The following LYRM4 variants were observed in gnomAD, a reference collection of about 807,000 sequenced individuals.
LYRM4 encodes the protein LYR motif containing 4.
Under a neutral mutation model 11.7 loss-of-function variants are expected in LYRM4, and 9 were observed. The ratio of observed to expected loss-of-function variants is 0.77; its 90% confidence interval spans 0.46 to 1.34. LYRM4 has a LOEUF of 1.34. LYRM4 is among the 40% of genes most tolerant of loss of function. LYRM4 has a pLI of 0.00. For synonymous variants in LYRM4, 42 were observed against 40.4 expected (o/e 1.04, Z -0.15); for missense variants, 133 against 112.5 (o/e 1.18, Z -0.82).
the LYRM4 span, chr6:5,085,547 C>A: frequency 6.5e-7 from 1 of 1,540,404 alleles, no homozygotes; most frequent in Non-Finnish European, 8.7e-7. Context: ...TTCCGAGAGG[C>A]CCCGCCGGCC....
chr6:5,238,724 A>G (rs1763692710), intron 1 of LYRM4, among the ~76,000 whole-genome samples: 1 of 152,250 alleles, frequency 6.6e-6, no homozygotes, highest in Non-Finnish European at 1.5e-5. Context: ...CATGATAGGA[A>G]ACAAATGCAA....
At chr6:5,055,072 T>A in the LYRM4 span, among the ~76,000 whole-genome samples, 3 of 152,182 alleles carry the variant, frequency 2.0e-5, no homozygotes, top group Non-Finnish European at 4.4e-5. The surrounding 1 kb of genome is among the most constrained non-coding windows in gnomAD (Gnocchi z 4.5). Flanking sequence ...TTCATCTACA[T>A]GACAAGAACC....
At chr6:5,124,265 C>T (rs1425074996) in intron 2 of LYRM4, among the ~76,000 whole-genome samples, 2 of 152,200 alleles carry the variant, frequency 1.3e-5, no homozygotes, top group Non-Finnish European at 2.9e-5. Flanking sequence ...TTGGCCTCCA[C>T]ACCAGAACAT....
intron 2 of LYRM4, among the ~76,000 whole-genome samples, chr6:5,158,425 T>C (rs538705761): frequency 4.6e-5 from 7 of 151,530 alleles, no homozygotes; most frequent in East Asian, 3.9e-4. Context: ...AAATTGGCTA[T>C]GGCAGGTTTA....
At chr6:5,103,987 CAA>C (rs34084655), downstream of LYRM4, 725 of 107,104 alleles carry the variant, frequency 6.8e-3, 5 homozygotes, top group African/African-American at 0.021. Flanking sequence ...AAGTACTTAG[CAA>C]AAAAAAAAAA....
chr6:5,160,830 T>TA (rs2127653811), intron 2 of LYRM4, among the ~76,000 whole-genome samples: 1 of 152,336 alleles, frequency 6.6e-6, no homozygotes, highest in South Asian at 2.1e-4. Flanking sequence ...TCTCCTTCCC[T>TA]ATGCCTCTAA....
At chr6:5,208,351 A>G (rs532646445) in intron 2 of LYRM4, among the ~76,000 whole-genome samples, 12 of 152,368 alleles carry the variant, frequency 7.9e-5, no homozygotes, top group Non-Finnish European at 1.5e-4. Context: ...TCTCTGCCAG[A>G]GTTAATAATA....
intron 2 of LYRM4, among the ~76,000 whole-genome samples, chr6:5,143,435 AC>A (rs1757517750): frequency 6.6e-6 from 1 of 152,212 alleles, no homozygotes; most frequent in Non-Finnish European, 1.5e-5. Context: ...TATATTGGTG[AC>A]TGTGATACAG....
intron 2 of LYRM4, among the ~76,000 whole-genome samples, chr6:5,212,139 C>G (rs1427481169): frequency 1.3e-5 from 2 of 152,226 alleles, no homozygotes; most frequent in African/African-American, 4.8e-5. Context: ...GCTCGAAGAG[C>G]AGGTGCTAAC....
intron 2 of LYRM4, among the ~76,000 whole-genome samples, chr6:5,164,936 CTA>C (rs1485205405): frequency 7.7e-6 from 1 of 129,750 alleles, no homozygotes; most frequent in Non-Finnish European, 1.5e-5. Context: ...CCACCACACT[CTA>C]GCCTGGGCGA....
At chr6:5,212,046 CT>C (rs1762013752) in intron 2 of LYRM4, among the ~76,000 whole-genome samples, 2 of 152,304 alleles carry the variant, frequency 1.3e-5, no homozygotes, top group East Asian at 3.9e-4. Flanking sequence ...AATATTTTCT[CT>C]TTGGTGAACA....
intron 2 of LYRM4, among the ~76,000 whole-genome samples, chr6:5,158,298 C>G (rs1758537601): frequency 6.6e-6 from 1 of 152,118 alleles, no homozygotes; most frequent in Admixed American, 6.5e-5. Flanking sequence ...CAAACAGGAA[C>G]AGAAAAACCT....
chr6:5,179,072 A>AAAAAAAAAAAAAC (rs1759914645), intron 2 of LYRM4, among the ~76,000 whole-genome samples: 1 of 81,448 alleles, frequency 1.2e-5, no homozygotes. Flanking sequence ...AAACAAAAAA[A>AAAAAAAAAAAAAC]AAAAAAAAAA....
chr6:5,043,194 G>C, the LYRM4 span: 1 of 151,846 alleles, frequency 6.6e-6, no homozygotes, highest in Non-Finnish European at 1.5e-5. Flanking sequence ...ATAACTGCAG[G>C]ACTTGCCACC....
At chr6:5,095,303 C>G in the LYRM4 span, among the ~76,000 whole-genome samples, 1 of 152,114 alleles carries the variant, frequency 6.6e-6, no homozygotes, top group African/African-American at 2.4e-5. Flanking sequence ...CTAAATTTAA[C>G]AGAGTTTAAC....
At chr6:5,095,912 G>A in the LYRM4 span, among the ~76,000 whole-genome samples, 1 of 152,082 alleles carries the variant, frequency 6.6e-6, no homozygotes, top group Admixed American at 6.5e-5. Flanking sequence ...CCCAGGAGGT[G>A]GAGGTTGCAG....
intron 1 of LYRM4, among the ~76,000 whole-genome samples, chr6:5,243,123 C>G (rs1016894506): frequency 6.6e-6 from 1 of 152,214 alleles, no homozygotes; most frequent in Non-Finnish European, 1.5e-5. Context: ...GAGAATTCTT[C>G]AAGGGCGAAT....
chr6:5,231,730 T>C (rs73363072), intron 1 of LYRM4, among the ~76,000 whole-genome samples: 52 of 152,338 alleles, frequency 3.4e-4, no homozygotes, highest in African/African-American at 1.2e-3. Flanking sequence ...AGACCCGGAA[T>C]ACAATACCAC....
chr6:5,176,217 A>AC (rs76610972), intron 2 of LYRM4, among the ~76,000 whole-genome samples: 1 of 151,996 alleles, frequency 6.6e-6, no homozygotes, highest in East Asian at 1.9e-4. Context: ...AGCATGTGCC[A>AC]CCATGCCTGG....
Sources: gnomAD v4.1 joint callset for allele counts (sites outside exome capture counted in the v4.1 genomes callset) on GRCh38, gnomAD v4.1.1 for gene constraint, Gnocchi (gnomAD v3.1) non-coding constraint, MANE v1.5 for transcripts, NCBI Gene and HGNC (gene_info 2026-07-23, HGNC 2026-07-21) for gene names.